The following NTM variants were observed in gnomAD, a reference collection of about 807,000 sequenced individuals.
NTM encodes the protein IgLON family member 2.
A neutral mutation model predicts 42.1 loss-of-function variants in NTM; 13 were observed. The ratio of observed to expected loss-of-function variants is 0.31; its 90% CI spans 0.20 to 0.49. The LOEUF is 0.49. NTM is among the 20% of genes least tolerant of loss of function. The pLI is 0.99. For synonymous variants in NTM, 187 were observed against 179.2 expected (o/e 1.04, Z -0.35); for missense variants, 373 against 452.8 (o/e 0.82, Z 1.60).
intron 1 of NTM, among the ~76,000 whole-genome samples, chr11:131,659,165 C>T (rs1855703655): frequency 6.6e-6 from 1 of 152,188 alleles, no homozygotes; most frequent in African/African-American, 2.4e-5. Flanking sequence ...CAGTCAAAAC[C>T]ACACATTTTT....
At chr11:132,005,317 A>G (rs1487133122) in intron 2 of NTM, among the ~76,000 whole-genome samples, 1 of 152,206 alleles carries the variant, frequency 6.6e-6, no homozygotes, top group Non-Finnish European at 1.5e-5. Context: ...GAATATCTAC[A>G]AAACCTTAGG....
chr11:132,270,334 C>T (rs140565769), intron 4 of NTM, among the ~76,000 whole-genome samples: 516 of 152,188 alleles, frequency 3.4e-3, no homozygotes, highest in Non-Finnish European at 5.9e-3. Context: ...TGGGTTCAAG[C>T]GATTCTCTCA....
intron 2 of NTM, among the ~76,000 whole-genome samples, chr11:132,056,936 A>G (rs1199171495): frequency 6.6e-6 from 1 of 152,180 alleles, no homozygotes; most frequent in East Asian, 1.9e-4. Context: ...CCCACCAGAC[A>G]GCTTCTTGGT....
chr11:132,326,650 G>C (rs1449218276), intron 7 of NTM, among the ~76,000 whole-genome samples: 1 of 152,196 alleles, frequency 6.6e-6, no homozygotes, highest in Non-Finnish European at 1.5e-5. Context: ...ATGGGTCAGC[G>C]AAGAAGACTG....
chr11:131,411,729 G>A (rs1429789814), intron 1 of NTM, among the ~76,000 whole-genome samples: 6 of 152,102 alleles, frequency 3.9e-5, no homozygotes, highest in East Asian at 1.9e-4. Context: ...GCAGTTGTAC[G>A]TGGGGATGCC....
At chr11:131,930,126 A>G (rs2058432642) in intron 2 of NTM, among the ~76,000 whole-genome samples, 1 of 152,204 alleles carries the variant, frequency 6.6e-6, no homozygotes, top group Admixed American at 6.5e-5. Context: ...GTTGCAGAGA[A>G]AATATTAATT....
At chr11:131,789,330 G>A (rs1372087630) in intron 1 of NTM, among the ~76,000 whole-genome samples, 1 of 141,456 alleles carries the variant, frequency 7.1e-6, no homozygotes, top group Non-Finnish European at 1.5e-5. Flanking sequence ...AGATGCTGAA[G>A]ATGACAAAGT....
At chr11:132,225,900 CCCCT>C (rs1366253481) in intron 4 of NTM, among the ~76,000 whole-genome samples, 1 of 151,722 alleles carries the variant, frequency 6.6e-6, no homozygotes, top group Non-Finnish European at 1.5e-5. Flanking sequence ...GTGTGATGTT[CCCCT>C]CCCTATGTCC....
Position 131,405,381 on chromosome 11 carries a change from CCT to C in NTM, c.82+34494_82+34495del, listed in dbSNP as rs1259335710. Among the ~76,000 whole-genome samples the C allele has an allele frequency of 6.6e-5, 10 of 152,106 alleles. No homozygotes were observed. In the East Asian group the frequency reaches 1.9e-3, roughly 29 times the overall value. On this transcript the variant is annotated intron_variant, in intron 1 of 8. Transcript: ENST00000683400. ...CTGCCCCAGTGAGAGGCTGTTTTTCCCTGAGTCTCCCCTAACTTAGTTAAGGG... is the reference window on the plus strand; with the variant it reads ...CTGCCCCAGTGAGAGGCTGTTTTTCCGAGTCTCCCCTAACTTAGTTAAGGG...
chr11:131,846,657 A>G (rs1308764188), intron 1 of NTM, among the ~76,000 whole-genome samples: 1 of 152,152 alleles, frequency 6.6e-6, no homozygotes, highest in African/African-American at 2.4e-5. Flanking sequence ...ATATGTTATT[A>G]CTTGCTCTGT....
intron 1 of NTM, among the ~76,000 whole-genome samples, chr11:131,530,984 A>G (rs1211737732): frequency 6.6e-6 from 1 of 152,202 alleles, no homozygotes; most frequent in African/African-American, 2.4e-5. Flanking sequence ...CTTCTGCAAT[A>G]GATGGCTCAG....
chr11:132,237,291 G>T (rs946009400), intron 4 of NTM, among the ~76,000 whole-genome samples: 6 of 152,054 alleles, frequency 3.9e-5, no homozygotes, highest in African/African-American at 1.4e-4. Context: ...AGACAAGGTG[G>T]ACTTACGCTC....
chr11:131,646,888 G>T (rs1407417655), intron 1 of NTM, among the ~76,000 whole-genome samples: 1 of 152,150 alleles, frequency 6.6e-6, no homozygotes, highest in East Asian at 1.9e-4. Flanking sequence ...ATACAAGGAC[G>T]TGCTCACTAT....
rs181118209 is a variant in NTM at position 131,949,850 on chromosome 11, T to C, written c.167+38202T>C. ...GATGGACATTTCCTCTTCCTTCTAA[T>C]GCCCCAAACTCCTATCCATTCATCC... On this transcript the variant is annotated intron_variant, in intron 2 of 8. Transcript: ENST00000683400. Among the ~76,000 whole-genome samples the C allele has an allele frequency of 2.8e-3, 431 of 152,292 alleles. 5 individuals are homozygous for C. Among genetic ancestry groups the C allele is most frequent in the African/African-American group, 9.1e-3 (379 of 41,556 alleles).
chr11:131,404,318 C>T (rs1301578060), intron 1 of NTM, among the ~76,000 whole-genome samples: 1 of 152,212 alleles, frequency 6.6e-6, no homozygotes, highest in Non-Finnish European at 1.5e-5. Flanking sequence ...CTCAGCAGCG[C>T]TTGACATAGA....
chr11:131,486,019 A>T (rs1954136872), intron 1 of NTM, among the ~76,000 whole-genome samples: 1 of 152,220 alleles, frequency 6.6e-6, no homozygotes, highest in South Asian at 2.1e-4. Context: ...AGTTGTCGTG[A>T]GGTTCAATTT....
At chr11:131,708,726 T>C (rs1026581336) in intron 1 of NTM, among the ~76,000 whole-genome samples, 2 of 152,196 alleles carry the variant, frequency 1.3e-5, no homozygotes, top group Admixed American at 1.3e-4. Flanking sequence ...GGGCCTTCTA[T>C]ATGTTTTTAT....
chr11:131,809,961 T>C (rs1205518702), intron 1 of NTM, among the ~76,000 whole-genome samples: 2 of 152,214 alleles, frequency 1.3e-5, no homozygotes, highest in Non-Finnish European at 2.9e-5. Flanking sequence ...TTTTGATTTA[T>C]TGTCATTGTG....
Position 131,885,043 on chromosome 11 carries a change from A to T in NTM, c.83-26521A>T, listed in dbSNP as rs906294687. ...ACCCACGGTTTGGGTCAAGCAGTGT[A>T]ATCCCTCATCCTAATGTAAAGAAGA... On this transcript the variant is annotated intron_variant, in intron 1 of 8. Transcript: ENST00000683400. Among the ~76,000 whole-genome samples, 5 of 152,288 alleles carry T rather than the reference A, an allele frequency of 3.3e-5. No homozygotes were observed. The East Asian group carries it at 9.7e-4, about 29-fold the overall frequency.
Sources: allele counts gnomAD v4.1 joint callset (sites outside exome capture counted in the v4.1 genomes callset), GRCh38; gene constraint gnomAD v4.1.1; transcripts MANE v1.5; gene names NCBI Gene and HGNC (gene_info 2026-07-23, HGNC 2026-07-21).